PPP1R12B: variants seen among roughly 807,000 people sequenced by gnomAD.
The protein encoded by PPP1R12B is myosin phosphatase target subunit 2.
A neutral mutation model predicts 126.1 loss-of-function variants in PPP1R12B; 76 were observed. The observed-to-expected ratio is 0.60, with a 90% CI of 0.50 to 0.73. PPP1R12B has a LOEUF of 0.73. Among genes scored for constraint, PPP1R12B ranks in the 30% least tolerant of loss-of-function variants. The pLI is 0.00. For missense variants in PPP1R12B, 1,052 were observed against 1,205.1 expected (o/e 0.87, Z 1.88); for synonymous variants, 356 against 434.7 (o/e 0.82, Z 2.25).
At chr1:202,409,078 G>C (rs1667041915) in intron 1 of PPP1R12B, among the ~76,000 whole-genome samples, 1 of 151,540 alleles carries the variant, frequency 6.6e-6, no homozygotes, top group African/African-American at 2.4e-5. Context: ...AGCTCAGGCA[G>C]TTCACTCGCC....
intron 13 of PPP1R12B, among the ~76,000 whole-genome samples, chr1:202,461,621 G>A (rs1411869136): frequency 6.6e-6 from 1 of 151,998 alleles, no homozygotes; most frequent in Non-Finnish European, 1.5e-5. Context: ...AACCCTACAT[G>A]CTATAGGGAT....
At chr1:202,440,960 G>A (rs112568418) in intron 11 of PPP1R12B, among the ~76,000 whole-genome samples, 172 bp downstream of exon 11, 92 of 152,218 alleles carry the variant, frequency 6.0e-4, no homozygotes, top group African/African-American at 2.1e-3. Flanking sequence ...TTGCTTTGCT[G>A]GTTCTTTATT....
chr1:202,399,181 T>C (rs1665437221), intron 1 of PPP1R12B, among the ~76,000 whole-genome samples: 1 of 152,168 alleles, frequency 6.6e-6, no homozygotes. Context: ...ATATTAGAAA[T>C]TATTTTCATA....
intron 1 of PPP1R12B, among the ~76,000 whole-genome samples, chr1:202,358,830 G>A (rs1037135334): frequency 2.6e-5 from 4 of 152,102 alleles, no homozygotes; most frequent in African/African-American, 7.2e-5. Flanking sequence ...ATACTTAAAT[G>A]TTATGACACA....
chr1:202,580,497 C>A lies in PPP1R12B; in HGVS notation c.2886C>A (p.Asp962Glu). The A allele has an allele frequency of 6.2e-7, 1 of 1,613,976 alleles. No homozygotes were observed. Among genetic ancestry groups the A allele is most frequent in the Non-Finnish European group, 8.5e-7 (1 of 1,179,872 alleles). Residue 962 changes from aspartate to glutamate, a missense_variant, in exon 24 of 24, where the codon GAC becomes GAA. Physicochemically the swap from Asp to Glu is conservative, Grantham distance 45. Coordinates refer to ENST00000608999, the MANE Select transcript of PPP1R12B (RefSeq NM_002481.4). Reference protein sequence around the residue: ...EMKVLTELKSDNQRLKDENGA... With the variant: ...EMKVLTELKSENQRLKDENGA... ...AGGTGTTAACAGAACTGAAATCCGA[C>A]AACCAGAGGCTGAAAGATGAAAATG...
intron 13 of PPP1R12B, among the ~76,000 whole-genome samples, chr1:202,481,103 A>G (rs111346617): frequency 6.6e-6 from 1 of 152,228 alleles, no homozygotes; most frequent in Non-Finnish European, 1.5e-5. Context: ...AATAGGGTTC[A>G]CGTCCCTATG....
intron 18 of PPP1R12B, among the ~76,000 whole-genome samples, chr1:202,541,788 T>A (rs1249356413): frequency 6.6e-6 from 1 of 152,216 alleles, no homozygotes; most frequent in Non-Finnish European, 1.5e-5. Context: ...TTTCGTCTTG[T>A]CTCACTTCTA....
intron 15 of PPP1R12B, among the ~76,000 whole-genome samples, chr1:202,494,987 AT>A (rs1217279906): frequency 2.6e-5 from 4 of 151,606 alleles, no homozygotes; most frequent in South Asian, 2.1e-4. Flanking sequence ...GATCAAAGGA[AT>A]TTTTTTTACA....
At chr1:202,521,451 T>C (rs934748049) in intron 18 of PPP1R12B, among the ~76,000 whole-genome samples, 5 of 152,148 alleles carry the variant, frequency 3.3e-5, no homozygotes, top group Non-Finnish European at 5.9e-5. Flanking sequence ...AAATTCTCAA[T>C]ATATGTACAG....
chr1:202,461,581 A>G (rs1394066888), intron 13 of PPP1R12B, among the ~76,000 whole-genome samples: 1 of 152,148 alleles, frequency 6.6e-6, no homozygotes, highest in Non-Finnish European at 1.5e-5. Flanking sequence ...TATTAATACC[A>G]TTTTAGATTT....
intron 18 of PPP1R12B, among the ~76,000 whole-genome samples, chr1:202,511,500 A>C (rs1359313481): frequency 2.0e-5 from 3 of 152,014 alleles, no homozygotes; most frequent in Non-Finnish European, 4.4e-5. Flanking sequence ...TACAGGTGTG[A>C]GCCACCGTGC....
At chr1:202,408,482 G>A (rs991540528) in intron 1 of PPP1R12B, among the ~76,000 whole-genome samples, 5 of 152,154 alleles carry the variant, frequency 3.3e-5, no homozygotes. Context: ...TTACTAGTAA[G>A]GATTGAGGAT....
At chr1:202,398,811 A>G (rs368597426) in intron 1 of PPP1R12B, among the ~76,000 whole-genome samples, 10 of 152,294 alleles carry the variant, frequency 6.6e-5, no homozygotes, top group African/African-American at 1.9e-4. Flanking sequence ...ACTTCTCTCA[A>G]TGGCTTTGGT....
At chr1:202,374,493 C>CTTTTTTTT (rs1160730172) in intron 1 of PPP1R12B, among the ~76,000 whole-genome samples, 30 of 89,494 alleles carry the variant, frequency 3.4e-4, no homozygotes, top group East Asian at 1.1e-3. Context: ...TTGTCTCTCT[C>CTTTTTTTT]TTTTTTTTTT....
At chr1:202,381,398 G>GTATGTGTGTA in intron 1 of PPP1R12B, among the ~76,000 whole-genome samples, 1 of 8,784 alleles carries the variant, frequency 1.1e-4, no homozygotes, top group African/African-American at 3.4e-4. Context: ...GAGCTTTGGG[G>GTATGTGTGTA]TGTGTGTGTG....
intron 13 of PPP1R12B, among the ~76,000 whole-genome samples, chr1:202,458,206 A>C (rs763097995): frequency 7.0e-6 from 1 of 143,074 alleles, no homozygotes; most frequent in African/African-American, 2.5e-5. Flanking sequence ...CAGGAACCAA[A>C]TCATGTAGAT....
chr1:202,590,578 ACACCCC>A lies in PPP1R12B; in HGVS notation c.*10020_*10025del, dbSNP rs1229297962. ...CTCAGCGCAGCAAAAACAACCAGAG[ACACCCC>A]CCACCCCCAGGTTTCTTTCAGCTCA... On this transcript the variant is annotated 3_prime_UTR_variant, in exon 24 of 24. Transcript: ENST00000608999. 1 of 150,744 alleles carries A rather than the reference ACACCCC, an allele frequency of 6.6e-6. No individual in the cohort carries two copies. Among genetic ancestry groups the A allele is most frequent in the Non-Finnish European group, 1.5e-5 (1 of 67,804 alleles). 9.3% of individuals were successfully genotyped at this position (150,744 alleles called of 1,614,324 possible). A position where few individuals can be genotyped will look rare whatever the true frequency, so the allele number is the denominator to read the frequency against.
intron 1 of PPP1R12B, among the ~76,000 whole-genome samples, chr1:202,363,823 G>A (rs993745488): frequency 2.0e-5 from 3 of 152,152 alleles, no homozygotes; most frequent in African/African-American, 7.2e-5. Flanking sequence ...GTGCAGTGGT[G>A]CGATCTTGGC....
intron 2 of PPP1R12B, among the ~76,000 whole-genome samples, chr1:202,420,012 C>CTT (rs1406476495): frequency 6.6e-6 from 1 of 152,178 alleles, no homozygotes. Flanking sequence ...GTAAATCTCA[C>CTT]TTTACATAAG....
Sources: gnomAD v4.1 joint callset for allele counts (sites outside exome capture counted in the v4.1 genomes callset) on GRCh38, gnomAD v4.1.1 for gene constraint, MANE v1.5 for transcripts, NCBI Gene and HGNC (gene_info 2026-07-23, HGNC 2026-07-21) for gene names.